Variants in BNC2 observed in about 807,000 individuals in gnomAD.
BNC2 encodes zinc finger protein basonuclin-2.
Under a neutral mutation model 76.3 loss-of-function variants are expected in BNC2, and 20 were observed. The observed-to-expected ratio is 0.26, with a 90% CI of 0.18 to 0.38. The LOEUF is 0.38. Ranked by LOEUF, BNC2 falls within the 10% of genes least tolerant of loss-of-function variation. BNC2 has a pLI of 1.00. For missense variants in BNC2, 1,382 were observed against 1,399.8 expected (o/e 0.99, Z 0.20); for synonymous variants, 582 against 514.8 (o/e 1.13, Z -1.77).
intron 2 of BNC2, among the ~76,000 whole-genome samples, chr9:16,731,106 C>T (rs1563918491): frequency 6.6e-6 from 1 of 152,118 alleles, no homozygotes; most frequent in Non-Finnish European, 1.5e-5. Context: ...GTTTTACAGA[C>T]ACAGGTACAA....
intron 1 of BNC2, among the ~76,000 whole-genome samples, chr9:16,861,181 A>AATATATACATATAT (rs1554752616): frequency 3.0e-5 from 4 of 131,698 alleles, no homozygotes; most frequent in African/African-American, 1.2e-4. Context: ...ATCTCTACAA[A>AATATATACATATAT]ATATATATAT....
intron 5 of BNC2, among the ~76,000 whole-genome samples, chr9:16,444,098 G>A (rs909419540): frequency 6.6e-6 from 1 of 152,072 alleles, no homozygotes; most frequent in Non-Finnish European, 1.5e-5. Flanking sequence ...ATTACAGCAC[G>A]GCCAAATCAC....
At chr9:16,675,665 A>G (rs1230086605) in intron 3 of BNC2, among the ~76,000 whole-genome samples, 3 of 152,240 alleles carry the variant, frequency 2.0e-5, no homozygotes, top group Non-Finnish European at 4.4e-5. Flanking sequence ...ACTCTGACAC[A>G]TCAGCAATGA....
At chr9:16,556,404 C>A (rs943055363) in intron 4 of BNC2, among the ~76,000 whole-genome samples, 2 of 151,916 alleles carry the variant, frequency 1.3e-5, no homozygotes, top group South Asian at 4.2e-4. Context: ...AATAGTAGAT[C>A]ACAAAAAAGC....
chr9:16,775,801 A>C (rs147391793), intron 1 of BNC2: 121 of 160,628 alleles, frequency 7.5e-4, no homozygotes, highest in African/African-American at 2.7e-3. Context: ...AAGCAGGACC[A>C]AGTATTTTTT....
At position 16,635,769 on chromosome 9, in the gene BNC2, G is replaced by A. The variant is rs1232627638; in HGVS notation, c.331-52684C>T. Among the ~76,000 whole-genome samples, 3 of 152,184 alleles carry A rather than the reference G, an allele frequency of 2.0e-5. No individual in the cohort carries two copies. The East Asian group carries it at 5.8e-4, about 29-fold the overall frequency. On this transcript the variant is annotated intron_variant, in intron 3 of 6. Coordinates refer to ENST00000380672, the MANE Select transcript of BNC2 (RefSeq NM_017637.6). ...AACTCAACAGATAAGCTACAGAAAT[G>A]TTTAAGATTTGGTGCCTAGAGGCCA...
At chr9:16,720,422 G>C (rs12378283) in intron 3 of BNC2, among the ~76,000 whole-genome samples, 6,478 of 152,248 alleles carry the variant, frequency 0.043, 190 homozygotes, top group Non-Finnish European at 0.062. Context: ...AGGTCATTAA[G>C]TAAATTTCTG....
chr9:16,847,672 T>A (rs1563969735), intron 1 of BNC2, among the ~76,000 whole-genome samples: 1 of 152,076 alleles, frequency 6.6e-6, no homozygotes, highest in Admixed American at 6.5e-5. Flanking sequence ...ACCATAACCA[T>A]TGAGCAAGGC....
chr9:16,772,789 C>A (rs1460788578), intron 1 of BNC2, among the ~76,000 whole-genome samples: 2 of 152,180 alleles, frequency 1.3e-5, no homozygotes, highest in African/African-American at 4.8e-5. Context: ...ACAGGGAAGA[C>A]TGGATCTTAG....
intron 3 of BNC2, among the ~76,000 whole-genome samples, chr9:16,724,558 G>C (rs1824257363): frequency 6.6e-6 from 1 of 152,038 alleles, no homozygotes; most frequent in South Asian, 2.1e-4. Flanking sequence ...AAGAAAAAAT[G>C]TACAGGCACA....
intron 3 of BNC2, among the ~76,000 whole-genome samples, chr9:16,648,167 T>C (rs954582283): frequency 6.6e-6 from 1 of 152,180 alleles, no homozygotes; most frequent in Non-Finnish European, 1.5e-5. Context: ...ACTAGAGAGA[T>C]AAATGCTCTG....
At chr9:16,435,373 C>T (rs1010178950) in intron 6 of BNC2, among the ~76,000 whole-genome samples, 182 bp downstream of exon 6, 11 of 152,144 alleles carry the variant, frequency 7.2e-5, no homozygotes, top group African/African-American at 2.7e-4. Flanking sequence ...TTAATCATCA[C>T]AAGCACCAAC....
At chr9:16,656,618 CAT>C (rs1175040930) in intron 3 of BNC2, among the ~76,000 whole-genome samples, 1 of 152,148 alleles carries the variant, frequency 6.6e-6, no homozygotes, top group African/African-American at 2.4e-5. Context: ...GAATAATAAA[CAT>C]ATTCATCATC....
chr9:16,868,858 C>G (rs1257163587), intron 1 of BNC2, among the ~76,000 whole-genome samples: 1 of 152,140 alleles, frequency 6.6e-6, no homozygotes, highest in African/African-American at 2.4e-5. Context: ...GGTCTCACTA[C>G]TAGGGTACAT....
At chr9:16,819,255 T>C (rs1458469402) in intron 1 of BNC2, among the ~76,000 whole-genome samples, 2 of 152,228 alleles carry the variant, frequency 1.3e-5, no homozygotes, top group African/African-American at 4.8e-5. Context: ...GGTGTATCCA[T>C]TTCTATTTAA....
intron 3 of BNC2, among the ~76,000 whole-genome samples, chr9:16,601,043 A>G (rs1343393830): frequency 6.6e-6 from 1 of 152,204 alleles, no homozygotes; most frequent in Non-Finnish European, 1.5e-5. Context: ...TCTGTAAATT[A>G]AAGGTGAGAT....
chr9:16,743,786 T>C (rs1174834395), intron 1 of BNC2, among the ~76,000 whole-genome samples: 1 of 152,174 alleles, frequency 6.6e-6, no homozygotes, highest in African/African-American at 2.4e-5. Flanking sequence ...GCTCCTTTTT[T>C]CTCCCCCATT....
chr9:16,760,859 G>T (rs147305301), intron 1 of BNC2, among the ~76,000 whole-genome samples: 2 of 152,050 alleles, frequency 1.3e-5, no homozygotes, highest in African/African-American at 4.8e-5. Flanking sequence ...AAAAAATAAT[G>T]AGTGCTGCAG....
At position 16,436,929 on chromosome 9, in the gene BNC2, C is replaced by G; in HGVS notation, c.1265G>C (p.Ser422Thr). ...SDLTKTEHPK[S>T]SFRIHRMRRM... Reference sequence around the variant, plus strand: ...TCTCATCCGATGAATCCGGAATGAGCTTTTTGGGTGTTCAGTTTTGGTTAG... The same window carrying G: ...TCTCATCCGATGAATCCGGAATGAGGTTTTTGGGTGTTCAGTTTTGGTTAG... Residue 422 changes from serine to threonine, a missense_variant, in exon 6 of 7, where the codon AGC (serine) becomes ACC (threonine). Physicochemically the swap from Ser to Thr is moderately conservative, Grantham distance 58 (BLOSUM62 1). Around this residue, in one of 3 missense-constraint regions of BNC2, gnomAD observed 557 missense variants for 540.9 expected, o/e 1.03. Transcript: ENST00000380672. The G allele has an allele frequency of 6.2e-7, 1 of 1,614,118 alleles. No individual in the cohort carries two copies. The highest frequency in any genetic ancestry group is 8.5e-7 in the Non-Finnish European group (1 of 1,180,038).
Sources: gnomAD v4.1 joint callset for allele counts (sites outside exome capture counted in the v4.1 genomes callset) on GRCh38, gnomAD v4.1.1 for gene constraint, gnomAD v4.1.1 regional missense constraint, MANE v1.5 for transcripts, NCBI Gene and HGNC (gene_info 2026-07-23, HGNC 2026-07-21) for gene names.